NEK11: variants seen among roughly 807,000 people sequenced by gnomAD.
The protein encoded by NEK11 is serine/threonine-protein kinase Nek11.
Under a neutral mutation model 80.7 loss-of-function variants are expected in NEK11, and 72 were observed. The observed-to-expected ratio is 0.89, with a 90% CI of 0.74 to 1.08. The LOEUF is 1.08. Among genes scored for constraint, NEK11 ranks in the 50% least tolerant of loss-of-function variants. The probability of loss-of-function intolerance (pLI) is 0.00; values close to 1 mark genes in which losing one functional copy is unlikely to be tolerated. For synonymous variants in NEK11, 251 were observed against 260.7 expected (o/e 0.96, Z 0.36); for missense variants, 764 against 763.6 (o/e 1.00, Z -0.01).
Position 131,243,424 on chromosome 3 carries a change from T to C in NEK11, c.1561-12T>C. Reference sequence around the variant, plus strand: ...TACAGGGAAAATAAACATTTCTCCCTTATTTTGACAGGACAGTGATATCGA... The same window carrying C: ...TACAGGGAAAATAAACATTTCTCCCCTATTTTGACAGGACAGTGATATCGA... On this transcript the variant is annotated splice_polypyrimidine_tract_variant and intron_variant, in intron 15 of 17. Transcript: ENST00000383366. The C allele has an allele frequency of 6.2e-7, 1 of 1,611,524 alleles. No homozygotes were observed. Among genetic ancestry groups the C allele is most frequent in the Non-Finnish European group, 8.5e-7 (1 of 1,178,310 alleles).
At chr3:131,051,982 C>T (rs1193306013) in intron 3 of NEK11, among the ~76,000 whole-genome samples, 1 of 152,088 alleles carries the variant, frequency 6.6e-6, no homozygotes, top group African/African-American at 2.4e-5. Flanking sequence ...TTTGAGTTCT[C>T]ATCCTCTTCC....
At position 131,097,137 on chromosome 3, in the gene NEK11, T is replaced by C. The variant is rs1255007340; in HGVS notation, c.337-12666T>C. 2.6e-5 allele frequency among the ~76,000 whole-genome samples: 4 copies of C among 152,000 alleles called. No homozygotes were observed. The East Asian group carries it at 7.7e-4, about 29-fold the overall frequency. ...ATTTTCTTAATCCAGTCTATCATTG[T>C]TGGACATTTGGGTTGGTTCCAAGTC... On this transcript the variant is annotated intron_variant, in intron 4 of 17. Coordinates refer to ENST00000383366, the MANE Select transcript of NEK11 (RefSeq NM_024800.5).
intron 15 of NEK11, among the ~76,000 whole-genome samples, chr3:131,236,323 A>T (rs1192243607): frequency 6.6e-6 from 1 of 152,164 alleles, no homozygotes; most frequent in Non-Finnish European, 1.5e-5. Context: ...TGGAAAATCC[A>T]TTGCCCTGTT....
chr3:131,081,600 C>T (rs529259701), intron 4 of NEK11, among the ~76,000 whole-genome samples: 145 of 152,240 alleles, frequency 9.5e-4, no homozygotes, highest in Non-Finnish European at 1.4e-3. Context: ...AAGATGACTA[C>T]GCTCAAAAAG....
At chr3:131,255,834 T>C (rs1042743564) in intron 16 of NEK11, among the ~76,000 whole-genome samples, 13 of 152,168 alleles carry the variant, frequency 8.5e-5, no homozygotes, top group African/African-American at 2.7e-4. Context: ...TCTGTAAAGC[T>C]TTCCTTGGGT....
chr3:131,260,778 T>C (rs1253521314), intron 16 of NEK11, among the ~76,000 whole-genome samples: 1 of 152,188 alleles, frequency 6.6e-6, no homozygotes, highest in Non-Finnish European at 1.5e-5. Context: ...GTAACTGCTA[T>C]TTCCTAAGTA....
intron 14 of NEK11, among the ~76,000 whole-genome samples, chr3:131,184,988 G>T (rs2093539033): frequency 6.6e-6 from 1 of 152,098 alleles, no homozygotes; most frequent in African/African-American, 2.4e-5. Context: ...AAGGCTCCTT[G>T]GGATGTGTCC....
chr3:131,119,881 T>C (rs2082057429), intron 5 of NEK11, among the ~76,000 whole-genome samples: 2 of 152,230 alleles, frequency 1.3e-5, no homozygotes, highest in African/African-American at 4.8e-5. Context: ...TCTCTACACA[T>C]GAGAGGGATC....
chr3:131,195,026 G>A (rs992891333), intron 14 of NEK11, among the ~76,000 whole-genome samples: 3 of 152,096 alleles, frequency 2.0e-5, no homozygotes, highest in Admixed American at 6.6e-5. Context: ...GTTGCCCAAC[G>A]CTGAGGAGCC....
At chr3:131,278,749 C>T (rs185733146) in intron 17 of NEK11, among the ~76,000 whole-genome samples, 120 of 151,956 alleles carry the variant, frequency 7.9e-4, no homozygotes, top group Non-Finnish European at 1.6e-3. Context: ...ACATGAAGGG[C>T]CTGCTCTATC....
chr3:131,168,671 A>G (rs994138616), intron 12 of NEK11, among the ~76,000 whole-genome samples, 159 bp from the exon 13 acceptor site: 2 of 152,170 alleles, frequency 1.3e-5, no homozygotes, highest in African/African-American at 2.4e-5. Context: ...TGCATTTCTT[A>G]TAATCCCTCT....
intron 17 of NEK11, among the ~76,000 whole-genome samples, chr3:131,293,689 G>A (rs1219123961): frequency 6.6e-6 from 1 of 152,018 alleles, no homozygotes; most frequent in African/African-American, 2.4e-5. Context: ...TCTTCCTTAA[G>A]TGTTTGGTAG....
intron 5 of NEK11, among the ~76,000 whole-genome samples, chr3:131,113,273 A>G (rs1052248158): frequency 1.5e-4 from 23 of 151,904 alleles, no homozygotes; most frequent in African/African-American, 5.6e-4. Context: ...ATATGGAGAG[A>G]GAAGAAGGAG....
At chr3:131,313,105 C>G (rs2096797957) in intron 17 of NEK11, among the ~76,000 whole-genome samples, 1 of 152,108 alleles carries the variant, frequency 6.6e-6, no homozygotes, top group Non-Finnish European at 1.5e-5. Context: ...TGTTAGTTCA[C>G]TAAGGATTAT....
chr3:131,153,513 T>A (rs1001147242), intron 9 of NEK11, among the ~76,000 whole-genome samples: 8 of 152,180 alleles, frequency 5.3e-5, no homozygotes, highest in East Asian at 1.9e-4. Flanking sequence ...TGTTTTTTTT[T>A]AAAACTTCTC....
Position 131,294,719 on chromosome 3 carries a change from G to C in NEK11, c.1718+21145G>C, listed in dbSNP as rs1461394690. The stretch of plus-strand genomic sequence containing the variant: ...TTTCCTTTCAGTGCTGTCAGTTTTT[G>C]CTTCATGTATTTTGACACTCTGTTG... On this transcript the variant is annotated intron_variant, in intron 17 of 17. Coordinates refer to ENST00000383366, the MANE Select transcript of NEK11 (RefSeq NM_024800.5). Among the ~76,000 whole-genome samples the C allele has an allele frequency of 3.3e-5, 5 of 152,086 alleles. No individual in the cohort carries two copies. In the East Asian group the frequency reaches 7.7e-4, roughly 23 times the overall value.
At chr3:131,217,485 G>A (rs572991775) in intron 14 of NEK11, among the ~76,000 whole-genome samples, 1 of 152,152 alleles carries the variant, frequency 6.6e-6, no homozygotes. Flanking sequence ...TATGTGTACA[G>A]TTACACATCA....
chr3:131,210,104 T>C lies in NEK11; in HGVS notation c.1400-18424T>C, dbSNP rs542924822. Among the ~76,000 whole-genome samples, 5 of 152,396 alleles carry C rather than the reference T, an allele frequency of 3.3e-5. No homozygotes were observed. The South Asian group carries it at 1.0e-3, about 32-fold the overall frequency. ...GTGTCAATTTTAGATCTTTCCTGCT[T>C]TCTCCTGTGGGCATTTAGTGCTTTA... is the stretch of plus-strand genomic sequence containing the variant. On this transcript the variant is annotated intron_variant, in intron 14 of 17. Transcript: ENST00000383366.
chr3:131,120,712 C>T (rs1477533603), intron 5 of NEK11, among the ~76,000 whole-genome samples: 1 of 152,146 alleles, frequency 6.6e-6, no homozygotes, highest in Non-Finnish European at 1.5e-5. Flanking sequence ...TCTCTTCTCG[C>T]TTCATTTCAT....
Sources: gnomAD v4.1 joint callset for allele counts (sites outside exome capture counted in the v4.1 genomes callset) on GRCh38, gnomAD v4.1.1 for gene constraint, MANE v1.5 for transcripts, NCBI Gene and HGNC (gene_info 2026-07-23, HGNC 2026-07-21) for gene names.